The following NR3C2 variants were observed in gnomAD, a reference collection of about 807,000 sequenced individuals.
NR3C2 encodes the protein nuclear receptor subfamily 3 group C member 2.
In NR3C2, 15 loss-of-function variants were observed where a neutral mutation model predicts 86.4. That is an observed-to-expected ratio of 0.17 (90% CI 0.12 to 0.27). NR3C2 has a LOEUF of 0.27. Ranked by LOEUF, NR3C2 falls within the 10% of genes least tolerant of loss-of-function variation. The pLI is 1.00. For missense variants in NR3C2, 960 were observed against 1,195.6 expected (o/e 0.80, Z 2.91); for synonymous variants, 458 against 450.5 (o/e 1.02, Z -0.21).
intron 6 of NR3C2, among the ~76,000 whole-genome samples, chr4:148,127,322 G>T (rs1363832723): frequency 6.6e-6 from 1 of 152,060 alleles, no homozygotes; most frequent in African/African-American, 2.4e-5. Flanking sequence ...CATAATATTG[G>T]TATTAATTTT....
In NR3C2 at chr4:148,080,869, TTTTA is replaced by T. The variant is rs1196118307; in HGVS notation, c.*471_*474del. The T allele has an allele frequency of 2.2e-5, 8 of 367,542 alleles. No individual in the cohort carries two copies. The highest frequency in any genetic ancestry group is 7.6e-5 in the East Asian group (1 of 13,100). The allele number at this position is 367,542 out of a possible 1,614,324, so 22.8% of individuals were successfully genotyped here. A position where few individuals can be genotyped will look rare whatever the true frequency, so the allele number is the denominator to read the frequency against. On this transcript the variant is annotated 3_prime_UTR_variant, in exon 9 of 9. Coordinates refer to ENST00000358102, the MANE Select transcript of NR3C2 (RefSeq NM_000901.5). ...ACACAACAGGAATCTGTATATATTT[TTTTA>T]TTATTTTTTTGTGTTTTTTTAATAA...
chr4:148,141,450 A>T (rs1733607136), intron 6 of NR3C2, among the ~76,000 whole-genome samples: 4 of 151,562 alleles, frequency 2.6e-5, no homozygotes, highest in East Asian at 1.9e-4. Context: ...TCTCTCTCAC[A>T]CACACACACA....
intron 2 of NR3C2, among the ~76,000 whole-genome samples, chr4:148,354,723 T>A (rs866617433): frequency 3.9e-5 from 6 of 152,126 alleles, no homozygotes; most frequent in Non-Finnish European, 2.9e-5. Flanking sequence ...ATGACATTCG[T>A]ATATAAAGTA....
At chr4:148,444,361 C>A (rs61760039), upstream of NR3C2, 48 of 985,200 alleles carry the variant, frequency 4.9e-5, no homozygotes, top group Non-Finnish European at 5.4e-5. Flanking sequence ...CACCCTTGCC[C>A]CAGGGCCGCC....
chr4:148,321,764 A>G (rs1033432675), intron 2 of NR3C2, among the ~76,000 whole-genome samples: 1 of 152,056 alleles, frequency 6.6e-6, no homozygotes, highest in East Asian at 1.9e-4. Flanking sequence ...TTTTGAGCCT[A>G]TGTGTGTCTC....
intron 8 of NR3C2, among the ~76,000 whole-genome samples, chr4:148,111,457 G>C (rs1732042956): frequency 6.6e-6 from 1 of 152,134 alleles, no homozygotes; most frequent in African/African-American, 2.4e-5. Flanking sequence ...ATATTACCCA[G>C]GTATTCTACT....
intron 4 of NR3C2, among the ~76,000 whole-genome samples, chr4:148,157,165 G>C (rs1177604213): frequency 9.7e-6 from 1 of 103,334 alleles, no homozygotes; most frequent in Non-Finnish European, 1.8e-5. Flanking sequence ...TGGGGTGGGG[G>C]GAGGGGGGAG....
At chr4:148,234,639 C>T (rs931711784) in intron 3 of NR3C2, among the ~76,000 whole-genome samples, 4 of 148,798 alleles carry the variant, frequency 2.7e-5, no homozygotes, top group African/African-American at 7.5e-5. Flanking sequence ...GCCAAGATTG[C>T]GCCACTGTAC....
intron 3 of NR3C2, among the ~76,000 whole-genome samples, chr4:148,241,534 C>T (rs1739047529): frequency 6.6e-6 from 1 of 151,978 alleles, no homozygotes; most frequent in African/African-American, 2.4e-5. Context: ...ACACTTTAAG[C>T]TCTCGTGTGT....
chr4:148,243,760 C>G (rs1278814965), intron 3 of NR3C2, among the ~76,000 whole-genome samples: 3 of 152,164 alleles, frequency 2.0e-5, no homozygotes, highest in African/African-American at 7.2e-5. Flanking sequence ...AAACGTGCAG[C>G]CGCTATGATT....
chr4:148,412,044 C>T (rs760301848), intron 2 of NR3C2, among the ~76,000 whole-genome samples: 4 of 152,150 alleles, frequency 2.6e-5, no homozygotes, highest in Non-Finnish European at 5.9e-5. Context: ...ATTGTGTCAT[C>T]CTGGCCAAGC....
rs72655259 is a variant in NR3C2, at chr4:148,271,616, A to G, written c.1758-11499T>C. Among the ~76,000 whole-genome samples the G allele has an allele frequency of 3.1e-3, 478 of 152,200 alleles. 1 individual carries two copies. The highest frequency in any genetic ancestry group is 0.011 in the African/African-American group (468 of 41,518). ...CTATTTTTAAGGAAAATTTTTTTAA[A>G]AAAAGCAAAAACTACCAAATACTCT... On this transcript the variant is annotated intron_variant, in intron 2 of 8. Transcript: ENST00000358102.
At chr4:148,243,295 C>T (rs1376494811) in intron 3 of NR3C2, among the ~76,000 whole-genome samples, 1 of 152,038 alleles carries the variant, frequency 6.6e-6, no homozygotes, top group Admixed American at 6.6e-5. Flanking sequence ...TCCCAAAGCA[C>T]GGGGATTACA....
intron 6 of NR3C2, among the ~76,000 whole-genome samples, chr4:148,138,589 C>G (rs1327391625): frequency 1.3e-5 from 2 of 152,024 alleles, no homozygotes; most frequent in Admixed American, 6.6e-5. Context: ...TTGCCATGTT[C>G]CCTAGGCTGG....
At chr4:148,301,365 G>T (rs1199061161) in intron 2 of NR3C2, among the ~76,000 whole-genome samples, 1 of 152,120 alleles carries the variant, frequency 6.6e-6, no homozygotes, top group African/African-American at 2.4e-5. Flanking sequence ...TAAGATTATG[G>T]GTAAAATGCA....
chr4:148,151,235 G>A (rs771452440), intron 6 of NR3C2, among the ~76,000 whole-genome samples: 1 of 149,166 alleles, frequency 6.7e-6, no homozygotes, highest in South Asian at 2.1e-4. Flanking sequence ...CAAACGCTGA[G>A]GGCATTAATA....
intron 3 of NR3C2, among the ~76,000 whole-genome samples, chr4:148,252,870 C>T (rs991690432): frequency 7.2e-5 from 11 of 152,008 alleles, no homozygotes; most frequent in Admixed American, 5.9e-4. Flanking sequence ...TGTGAGCCAC[C>T]TTGGATTATT....
chr4:148,314,916 T>A (rs1022691866), intron 2 of NR3C2, among the ~76,000 whole-genome samples: 1 of 152,208 alleles, frequency 6.6e-6, no homozygotes, highest in Non-Finnish European at 1.5e-5. Flanking sequence ...ATCATGAACA[T>A]GATGCAAAAT....
At chr4:148,147,963 T>C (rs1257022667) in intron 6 of NR3C2, among the ~76,000 whole-genome samples, 1 of 152,092 alleles carries the variant, frequency 6.6e-6, no homozygotes, top group East Asian at 1.9e-4. Context: ...TTGCGATCCA[T>C]GTGACGACAT....
Sources: allele counts gnomAD v4.1 joint callset (sites outside exome capture counted in the v4.1 genomes callset), GRCh38; gene constraint gnomAD v4.1.1; transcripts MANE v1.5; gene names NCBI Gene and HGNC (gene_info 2026-07-23, HGNC 2026-07-21).